Variants in CABIN1 observed in about 807,000 individuals in gnomAD.
CABIN1 encodes the protein calcineurin binding protein 1.
In CABIN1, 133 loss-of-function variants were observed where a neutral mutation model predicts 227.7. The observed-to-expected ratio is 0.58, with a 90% CI of 0.51 to 0.67. The LOEUF (loss-of-function observed/expected upper bound fraction) is 0.67, where lower values mean the gene tolerates loss of function less well. CABIN1 is among the 30% of genes least tolerant of loss of function. The pLI is 0.00. For missense variants in CABIN1, 2,408 were observed against 2,852.5 expected, an observed-to-expected ratio of 0.84 and a Z score of 3.55; for synonymous variants, 1,086 against 1,155.1, an observed-to-expected ratio of 0.94 and a Z score of 1.21.
chr22:24,091,934 C>T, intron 24 of CABIN1, 91 bp downstream of exon 24: 1 of 1,532,726 alleles, frequency 6.5e-7, no homozygotes, highest in Non-Finnish European at 8.9e-7. Context: ...GTTCCAGTGA[C>T]CGTCCTTCAA....
chr22:24,154,855 A>G (rs1275752531), intron 29 of CABIN1, among the ~76,000 whole-genome samples: 1 of 152,196 alleles, frequency 6.6e-6, no homozygotes, highest in East Asian at 1.9e-4. Flanking sequence ...GCCCAGGGGT[A>G]GGCCAGGTGG....
chr22:24,125,947 T>C (rs2043697674), intron 28 of CABIN1, among the ~76,000 whole-genome samples: 1 of 152,216 alleles, frequency 6.6e-6, no homozygotes, highest in South Asian at 2.1e-4. Context: ...GCTGCTGCTT[T>C]CCTGGTCCTC....
At chr22:24,171,566 G>C in intron 33 of CABIN1, 147 bp from the exon 34 acceptor site, 3 of 852,550 alleles carry the variant, frequency 3.5e-6, no homozygotes, top group South Asian at 3.2e-5. Flanking sequence ...GCAGCATTGT[G>C]GGGGCTCAGT....
At chr22:24,100,575 A>C (rs1181676717) in intron 26 of CABIN1, among the ~76,000 whole-genome samples, 1 of 152,222 alleles carries the variant, frequency 6.6e-6, no homozygotes, top group Non-Finnish European at 1.5e-5. Flanking sequence ...CCTTGGGTCT[A>C]CTGTGAGAGG....
At chr22:24,153,129 G>C (rs769053246) in intron 29 of CABIN1, among the ~76,000 whole-genome samples, 1 of 152,288 alleles carries the variant, frequency 6.6e-6, no homozygotes, top group Middle Eastern at 3.4e-3. Flanking sequence ...CCACCACTGG[G>C]GTGGGGGGTG....
chr22:24,073,575 CCTCTGGCCTTGA>C (rs1453471322), intron 18 of CABIN1, among the ~76,000 whole-genome samples: 3 of 151,516 alleles, frequency 2.0e-5, no homozygotes, highest in Non-Finnish European at 4.4e-5. Context: ...GGCTAGGATA[CCTCTGGCCTTGA>C]CAGGTTTGTG....
chr22:24,034,670 A>T (rs943215139), intron 1 of CABIN1, among the ~76,000 whole-genome samples: 1 of 152,192 alleles, frequency 6.6e-6, no homozygotes, highest in African/African-American at 2.4e-5. Flanking sequence ...TAACATTTTG[A>T]GGAACTAGCA....
In CABIN1 at chr22:24,056,316, G is replaced by A; in HGVS notation, c.1218G>A (p.Glu406=). ...RVRNTKCKKE[E]KVDFQELLMK... ...GAAACACCAAGTGCAAAAAAGAAGAGAAAGTAGACTTCCAGGAGCTTCTGA... is the reference window on the plus strand; with the variant it reads ...GAAACACCAAGTGCAAAAAAGAAGAAAAAGTAGACTTCCAGGAGCTTCTGA... Residue 406 remains glutamate (E), a synonymous_variant, in exon 10 of 37, where the codon GAG becomes GAA. Coordinates refer to ENST00000263119, the MANE Select transcript of CABIN1 (RefSeq NM_012295.4). 6.2e-7 allele frequency: 1 copy of A among 1,613,972 alleles called. No homozygotes were observed. Among genetic ancestry groups the A allele is most frequent in the South Asian group, 1.1e-5 (1 of 91,072 alleles).
intron 34 of CABIN1, 58 bp downstream of exon 34, chr22:24,172,053 C>T (rs1245229028): frequency 6.4e-7 from 1 of 1,564,734 alleles, no homozygotes; most frequent in East Asian, 2.3e-5. Flanking sequence ...CAAGTCCTCC[C>T]TGCGGGGAGA....
chr22:24,030,404 T>A (rs2036414239), intron 1 of CABIN1, among the ~76,000 whole-genome samples: 1 of 152,218 alleles, frequency 6.6e-6, no homozygotes, highest in Non-Finnish European at 1.5e-5. Flanking sequence ...ATGGGGATGA[T>A]AATGCCTATT....
rs181541560 is a variant in CABIN1 at position 24,056,370 on chromosome 22, A to G, written c.1262+10A>G. The G allele has an allele frequency of 5.1e-3, 8,247 of 1,613,510 alleles. 39 individuals carry two copies. Among genetic ancestry groups the G allele is most frequent in the South Asian group, 7.3e-3 (667 of 91,054 alleles). ...AGTTCTTGCCGTCCAGGTACTGTGT[A>G]TTTTTTCTGATTGTCAGAAACAAAC... On this transcript the variant is annotated intron_variant, in intron 10 of 36. Coordinates refer to ENST00000263119, the MANE Select transcript of CABIN1 (RefSeq NM_012295.4).
At position 24,177,601 on chromosome 22, in the gene CABIN1, C is replaced by T. The variant is rs751212427; in HGVS notation, c.6303C>T (p.Ser2101=). The change falls in exon 36 of 37, where the codon TCC becomes TCT. Residue 2101 remains serine, a synonymous_variant. Coordinates refer to ENST00000263119, the MANE Select transcript of CABIN1 (RefSeq NM_012295.4). This position sits in a 1 kb window ranked among gnomAD's most constrained non-coding sequence, Gnocchi z 4.4. ...GCTCTCCCCCAACAGCTGCCAGCTC[C>T]AAGGCCCCCAGCAGTGGGAGTGCCC... ...PLSSPPTAAS[S]KAPSSGSAQP... The T allele has an allele frequency of 3.1e-6, 5 of 1,610,900 alleles. No individual in the cohort carries two copies. The East Asian group carries it at 8.9e-5, about 29-fold the overall frequency.
chr22:24,138,275 G>A (rs2044539061), intron 29 of CABIN1, among the ~76,000 whole-genome samples: 1 of 152,228 alleles, frequency 6.6e-6, no homozygotes, highest in Non-Finnish European at 1.5e-5. Flanking sequence ...GCAGATTTAA[G>A]AGACAGCATC....
In CABIN1 at chr22:24,098,245, G is replaced by C. The variant is rs575527711; in HGVS notation, c.4117+53G>C. ...GCCCAGGGCGGCACATCAATCACGG[G>C]GGGGTGCTCGGACGACTCATTTTGT... On this transcript the variant is annotated intron_variant, in intron 26 of 36. Coordinates refer to ENST00000263119, the MANE Select transcript of CABIN1 (RefSeq NM_012295.4). 32 of 1,612,600 alleles carry C rather than the reference G, an allele frequency of 2.0e-5. No homozygotes were observed. The East Asian group carries it at 3.1e-4, about 16-fold the overall frequency.
intron 1 of CABIN1, among the ~76,000 whole-genome samples, chr22:24,031,933 A>G (rs2036530373): frequency 6.6e-6 from 1 of 152,192 alleles, no homozygotes; most frequent in African/African-American, 2.4e-5. Flanking sequence ...CTTTGTTCCT[A>G]ATTGGAAACT....
At position 24,060,945 on chromosome 22, in the gene CABIN1, T is replaced by G. The variant is rs541932885; in HGVS notation, c.1617+804T>G. 2.0e-5 allele frequency among the ~76,000 whole-genome samples: 3 copies of G among 152,198 alleles called. No individual in the cohort carries two copies. In the South Asian group the frequency reaches 6.2e-4, roughly 32 times the overall value. ...TGTTTTGTAGAGATGGGGGTCTCCT[T>G]TTGTTACGATGTTAGGATGTGGTCT... On this transcript the variant is annotated intron_variant, in intron 12 of 36. Coordinates refer to ENST00000263119, the MANE Select transcript of CABIN1 (RefSeq NM_012295.4).
At chr22:24,170,215 A>G in intron 33 of CABIN1, 1 of 452,324 alleles carries the variant, frequency 2.2e-6, no homozygotes, top group Non-Finnish European at 4.5e-6. Flanking sequence ...CCCAGAGAAG[A>G]TGCCACTGTA....
chr22:24,138,212 C>T (rs1237015221), intron 29 of CABIN1, among the ~76,000 whole-genome samples: 2 of 152,112 alleles, frequency 1.3e-5, no homozygotes, highest in Non-Finnish European at 2.9e-5. Flanking sequence ...CCTTTGTTCT[C>T]ACACCAACAC....
At chr22:24,166,032 G>A (rs781747533) in intron 31 of CABIN1, among the ~76,000 whole-genome samples, 23 of 152,230 alleles carry the variant, frequency 1.5e-4, no homozygotes, top group Non-Finnish European at 3.4e-4. Context: ...AGCACCTGGA[G>A]GAGGCCAGGG....
Sources: gnomAD v4.1 joint callset for allele counts (sites outside exome capture counted in the v4.1 genomes callset) on GRCh38, gnomAD v4.1.1 for gene constraint, Gnocchi (gnomAD v3.1) non-coding constraint, MANE v1.5 for transcripts, NCBI Gene and HGNC (gene_info 2026-07-23, HGNC 2026-07-21) for gene names.